TLN2: variants seen among roughly 807,000 people sequenced by gnomAD.
TLN2 encodes talin-2.
In TLN2, 118 loss-of-function variants were observed where a neutral mutation model predicts 294.7. The observed-to-expected ratio is 0.40, with a 90% CI of 0.34 to 0.47. The LOEUF (loss-of-function observed/expected upper bound fraction) is 0.47. Among genes scored for constraint, TLN2 ranks in the 20% least tolerant of loss-of-function variants. The pLI, the probability that TLN2 is intolerant of heterozygous loss-of-function variation, is 0.84. For missense variants in TLN2, 3,083 were observed against 3,282.2 expected (o/e 0.94, Z 1.48); for synonymous variants, 1,431 against 1,304.5 (o/e 1.10, Z -2.09).
chr15:62,540,941 A>G (rs527471509), intron 1 of TLN2, among the ~76,000 whole-genome samples: 2 of 152,298 alleles, frequency 1.3e-5, no homozygotes, highest in East Asian at 3.9e-4. Flanking sequence ...CAGCTCTGTT[A>G]TTCCACTGAG....
intron 27 of TLN2, among the ~76,000 whole-genome samples, chr15:62,726,204 C>A (rs144136979): frequency 1.0e-3 from 152 of 152,296 alleles, no homozygotes; most frequent in African/African-American, 3.5e-3. Context: ...AGGAAAACAT[C>A]ATGAATTTTT....
chr15:62,643,489 G>C (rs1384161962), intron 3 of TLN2, among the ~76,000 whole-genome samples: 1 of 135,956 alleles, frequency 7.4e-6, no homozygotes, highest in Non-Finnish European at 1.5e-5. Flanking sequence ...GTTTTTGGGT[G>C]ATAAAAAAAA....
intron 12 of TLN2, 129 bp downstream of exon 12, chr15:62,686,925 A>G: frequency 7.7e-6 from 10 of 1,290,450 alleles, no homozygotes; most frequent in Non-Finnish European, 1.0e-5. Flanking sequence ...AGTGAGGAAG[A>G]TGGTGCAAGC....
chr15:62,578,239 C>G (rs2044600933), intron 1 of TLN2, among the ~76,000 whole-genome samples: 3 of 152,088 alleles, frequency 2.0e-5, no homozygotes, highest in South Asian at 4.2e-4. Flanking sequence ...TCTCATCACC[C>G]AACAAGAACC....
Position 62,394,949 on chromosome 15 carries a change from TTTTCTC to T in TLN2, c.-238+4267_-238+4272del, listed in dbSNP as rs1430378633. 8.5e-5 allele frequency among the ~76,000 whole-genome samples: 13 copies of T among 152,294 alleles called. No individual in the cohort carries two copies. The East Asian group carries it at 2.5e-3, about 29-fold the overall frequency. On this transcript the variant is annotated intron_variant, in intron 1 of 58. Coordinates refer to ENST00000636159, the MANE Select transcript of TLN2 (RefSeq NM_015059.3). ...GACGGTGCCAAGACCATGGTTTTGTTTTTCTCTTAATCAACAATTTAATTTCAGTCA... is the reference window on the plus strand; with the variant it reads ...GACGGTGCCAAGACCATGGTTTTGTTTTAATCAACAATTTAATTTCAGTCA...
At chr15:62,703,045 A>C (rs773241598) in intron 19 of TLN2, among the ~76,000 whole-genome samples, 181 bp downstream of exon 19, 8 of 152,044 alleles carry the variant, frequency 5.3e-5, no homozygotes, top group Non-Finnish European at 1.0e-4. Flanking sequence ...TTTTAATAGG[A>C]AAACTCATTT....
At position 62,653,321 on chromosome 15, in the gene TLN2, G is replaced by A; in HGVS notation, c.517+7G>A. 1.2e-6 allele frequency: 2 copies of A among 1,607,544 alleles called. No individual in the cohort carries two copies. The highest frequency in any genetic ancestry group is 1.1e-5 in the South Asian group (1 of 89,220). ...CTGCACACAGATGATGACCGTAAGT[G>A]TTTGCAGAGGAAGCATGATACAGAC... On this transcript the variant is annotated splice_region_variant and intron_variant, in intron 7 of 58. Coordinates refer to ENST00000636159, the MANE Select transcript of TLN2 (RefSeq NM_015059.3).
At chr15:62,450,159 T>A (rs994082315) in intron 1 of TLN2, among the ~76,000 whole-genome samples, 4 of 152,148 alleles carry the variant, frequency 2.6e-5, no homozygotes, top group Admixed American at 2.0e-4. Flanking sequence ...TGTGTCTCAG[T>A]AGAGTCTTCA....
intron 24 of TLN2, 30 bp downstream of exon 24, chr15:62,717,719 C>A: frequency 6.7e-7 from 1 of 1,484,160 alleles, no homozygotes; most frequent in South Asian, 1.4e-5. Context: ...AGAGCCAGGT[C>A]AGCTGCAGAT....
chr15:62,681,604 T>A (rs2056834617), intron 11 of TLN2, among the ~76,000 whole-genome samples: 1 of 152,208 alleles, frequency 6.6e-6, no homozygotes, highest in South Asian at 2.1e-4. Flanking sequence ...GATGGTAATT[T>A]ACACCTGTGT....
intron 1 of TLN2, among the ~76,000 whole-genome samples, chr15:62,456,501 G>A (rs1040272141): frequency 1.3e-5 from 2 of 152,186 alleles, no homozygotes; most frequent in African/African-American, 2.4e-5. Context: ...CTGTCACATA[G>A]CCAGTGCCTG....
intron 14 of TLN2, 151 bp downstream of exon 14, chr15:62,694,543 G>T: frequency 3.2e-6 from 2 of 628,508 alleles, no homozygotes; most frequent in East Asian, 5.7e-5. Flanking sequence ...GTGGTCCCCA[G>T]ACCAGCAGCA....
At chr15:62,834,236 A>G (rs180966987) in intron 55 of TLN2, 1 of 152,308 alleles carries the variant, frequency 6.6e-6, no homozygotes, top group East Asian at 1.9e-4. Context: ...TGGATATGGA[A>G]CAGTCTTCCG....
chr15:62,745,064 C>T (rs2061542148), intron 32 of TLN2, among the ~76,000 whole-genome samples: 1 of 152,192 alleles, frequency 6.6e-6, no homozygotes, highest in Admixed American at 6.5e-5. Context: ...TTCTCACACT[C>T]CACCCCACTT....
intron 1 of TLN2, among the ~76,000 whole-genome samples, chr15:62,495,804 A>G (rs1006923381): frequency 6.6e-6 from 1 of 152,170 alleles, no homozygotes; most frequent in African/African-American, 2.4e-5. Flanking sequence ...ACGAAATTGT[A>G]CTTTGCAGCA....
In TLN2 at chr15:62,842,264, A is replaced by AGTAT. The variant is rs2141276687; in HGVS notation, c.*1657_*1660dup. ...ACGCTGTAAAGGAAAAGCAAGTGAG[A>AGTAT]GTATGTGTAGGACACTGACAGTGTG... On this transcript the variant is annotated 3_prime_UTR_variant, in exon 59 of 59. Coordinates refer to ENST00000636159, the MANE Select transcript of TLN2 (RefSeq NM_015059.3). 6.6e-6 allele frequency: 1 copy of AGTAT among 152,268 alleles called. No homozygotes were observed. The highest frequency in any genetic ancestry group is 2.4e-5 in the African/African-American group (1 of 41,548). 9.4% of individuals were successfully genotyped at this position (152,268 alleles called of 1,614,324 possible). A position where few individuals can be genotyped will look rare whatever the true frequency, so the allele number is the denominator to read the frequency against.
chr15:62,603,370 C>G (rs539212976), intron 2 of TLN2, among the ~76,000 whole-genome samples: 2 of 152,132 alleles, frequency 1.3e-5, no homozygotes, highest in Non-Finnish European at 2.9e-5. Context: ...AAGGCATACT[C>G]TATGCACGTT....
At chr15:62,474,692 A>G (rs2140369140) in intron 1 of TLN2, among the ~76,000 whole-genome samples, 1 of 152,296 alleles carries the variant, frequency 6.6e-6, no homozygotes, top group Non-Finnish European at 1.5e-5. Flanking sequence ...TGTTTTTTAA[A>G]TGGACCCTGA....
At chr15:62,427,001 TG>T (rs1383366424) in intron 1 of TLN2, among the ~76,000 whole-genome samples, 5 of 152,182 alleles carry the variant, frequency 3.3e-5, no homozygotes, top group Non-Finnish European at 5.9e-5. Flanking sequence ...AGAGAAGCTT[TG>T]CTCTGGTAAA....
Sources: gnomAD v4.1 joint callset for allele counts (sites outside exome capture counted in the v4.1 genomes callset) on GRCh38, gnomAD v4.1.1 for gene constraint, MANE v1.5 for transcripts, NCBI Gene and HGNC (gene_info 2026-07-23, HGNC 2026-07-21) for gene names.